RASGRF2: variants seen among roughly 807,000 people sequenced by gnomAD.
RASGRF2 encodes the protein ras-specific guanine nucleotide-releasing factor 2.
A neutral mutation model predicts 151.0 loss-of-function variants in RASGRF2; 76 were observed. The observed-to-expected ratio is 0.50, with a 90% confidence interval of 0.42 to 0.61. The LOEUF is 0.61. Ranked by LOEUF, RASGRF2 falls within the 20% of genes least tolerant of loss-of-function variation. The probability of loss-of-function intolerance (pLI) is 0.00; values close to 1 mark genes in which losing one functional copy is unlikely to be tolerated. For synonymous variants in RASGRF2, 504 were observed against 566.5 expected (o/e 0.89, Z 1.57); for missense variants, 1,148 against 1,564.6 (o/e 0.73, Z 4.49).
At chr5:80,972,534 C>G (rs1457457238) in intron 1 of RASGRF2, among the ~76,000 whole-genome samples, 1 of 151,982 alleles carries the variant, frequency 6.6e-6, no homozygotes, top group East Asian at 1.9e-4. Context: ...GGCTGGAGTG[C>G]AGTGGTATGA....
chr5:81,033,539 A>C lies in RASGRF2; in HGVS notation c.289-9338A>C, dbSNP rs1179098379. On this transcript the variant is annotated intron_variant, in intron 1 of 26. Transcript: ENST00000265080. ...CTTTGACAAACCTGACAAAAACAAG[A>C]AATGGGGAAAGGATTCCCTATTTAA... is the stretch of plus-strand genomic sequence containing the variant. 1.0e-4 allele frequency among the ~76,000 whole-genome samples: 15 copies of C among 144,520 alleles called. No homozygotes were observed. The South Asian group carries it at 3.5e-3, about 34-fold the overall frequency. 94.8% of individuals were successfully genotyped at this position (144,520 alleles called of 152,430 possible).
At chr5:81,090,237 T>C (rs372125898) in intron 9 of RASGRF2, among the ~76,000 whole-genome samples, 42 of 152,326 alleles carry the variant, frequency 2.8e-4, no homozygotes, top group African/African-American at 1.0e-3. Context: ...TTCTTTTTCA[T>C]TACTCAGTAG....
intron 1 of RASGRF2, among the ~76,000 whole-genome samples, chr5:80,962,126 G>A (rs1046319465): frequency 4.6e-5 from 7 of 152,184 alleles, no homozygotes; most frequent in African/African-American, 1.7e-4. Flanking sequence ...AAAACAATGT[G>A]TAAAATTAAG....
intron 17 of RASGRF2, among the ~76,000 whole-genome samples, chr5:81,149,822 G>A (rs1053414950): frequency 1.3e-5 from 2 of 152,076 alleles, no homozygotes; most frequent in African/African-American, 2.4e-5. Flanking sequence ...TCCTAGCATT[G>A]CCCTGCCATC....
intron 1 of RASGRF2, chr5:80,997,964 G>A (rs1410498786): frequency 2.6e-5 from 2 of 75,498 alleles, no homozygotes; most frequent in Non-Finnish European, 6.1e-5. Context: ...GCAAGACTCC[G>A]TCTCAAAAAA....
At chr5:81,093,337 T>C (rs1752446043) in intron 10 of RASGRF2, among the ~76,000 whole-genome samples, 1 of 152,230 alleles carries the variant, frequency 6.6e-6, no homozygotes. Flanking sequence ...AATCCTATTT[T>C]ATCTTTCTCT....
intron 1 of RASGRF2, among the ~76,000 whole-genome samples, chr5:81,022,118 C>T (rs1305324600): frequency 6.6e-6 from 1 of 152,100 alleles, no homozygotes; most frequent in East Asian, 1.9e-4. Context: ...GGAGTGGTAG[C>T]AGATGGTCAG....
chr5:81,184,165 CT>C (rs1179285354), intron 18 of RASGRF2, among the ~76,000 whole-genome samples: 1 of 152,196 alleles, frequency 6.6e-6, no homozygotes, highest in African/African-American at 2.4e-5. Flanking sequence ...ACTATGATCA[CT>C]AATGGATCAG....
Position 81,015,053 on chromosome 5 carries a change from G to C in RASGRF2, c.289-27824G>C, listed in dbSNP as rs115483273. Among the ~76,000 whole-genome samples the C allele has an allele frequency of 6.0e-3, 918 of 152,170 alleles. 6 individuals carry two copies. Among genetic ancestry groups the C allele is most frequent in the African/African-American group, 0.02 (844 of 41,502 alleles). On this transcript the variant is annotated intron_variant, in intron 1 of 26. Coordinates refer to ENST00000265080, the MANE Select transcript of RASGRF2 (RefSeq NM_006909.3). ...TCCAACATCAGCCTCCCAAAGTGTT[G>C]GATTACAGGTGTGAGCTACTGAGCT...
chr5:80,975,359 C>T lies in RASGRF2; in HGVS notation c.288+14333C>T, dbSNP rs115221698. On this transcript the variant is annotated intron_variant, in intron 1 of 26. Coordinates refer to ENST00000265080, the MANE Select transcript of RASGRF2 (RefSeq NM_006909.3). ...ATTGTGTCCAGCTTTGAAAATTCTTCTTAGTGCGTGTGTCGTTGAGGGGTG... is the reference window on the plus strand; with the variant it reads ...ATTGTGTCCAGCTTTGAAAATTCTTTTTAGTGCGTGTGTCGTTGAGGGGTG... Among the ~76,000 whole-genome samples the T allele has an allele frequency of 4.4e-3, 672 of 151,304 alleles. 3 individuals carry two copies. The highest frequency in any genetic ancestry group is 0.015 in the African/African-American group (632 of 41,194).
intron 1 of RASGRF2, among the ~76,000 whole-genome samples, chr5:81,039,370 A>T (rs899258793): frequency 1.3e-5 from 2 of 152,272 alleles, no homozygotes; most frequent in Admixed American, 6.5e-5. Flanking sequence ...AAAAGACAAA[A>T]TTAGACTATG....
chr5:81,029,381 A>G (rs938569443), intron 1 of RASGRF2, among the ~76,000 whole-genome samples: 2 of 152,228 alleles, frequency 1.3e-5, no homozygotes, highest in African/African-American at 4.8e-5. Flanking sequence ...GAGTAGCCCA[A>G]TTGGGAGACA....
Position 81,185,291 on chromosome 5 carries a change from T to C in RASGRF2, c.2793+5010T>C, listed in dbSNP as rs114458335. Among the ~76,000 whole-genome samples, 188 of 151,936 alleles carry C rather than the reference T, an allele frequency of 1.2e-3. 1 individual carries two copies. The highest frequency in any genetic ancestry group is 2.3e-3 in the Non-Finnish European group (158 of 67,966). ...CATCCAGCTAGCCTCCGTGTTAAGG[T>C]GAAAGGTGCTGGCTGGGCAAAGTGA... On this transcript the variant is annotated intron_variant, in intron 18 of 26. Coordinates refer to ENST00000265080, the MANE Select transcript of RASGRF2 (RefSeq NM_006909.3).
chr5:81,144,219 T>C lies in RASGRF2; in HGVS notation c.2686+17056T>C, dbSNP rs370151333. ...CTGTTATGTCAAAGATTAAATGTGG[T>C]AGTCAAAGTAATCTATGGAAACATA... On this transcript the variant is annotated intron_variant, in intron 17 of 26. Coordinates refer to ENST00000265080, the MANE Select transcript of RASGRF2 (RefSeq NM_006909.3). Among the ~76,000 whole-genome samples, 49 of 152,320 alleles carry C rather than the reference T, an allele frequency of 3.2e-4. No individual in the cohort carries two copies. The East Asian group carries it at 7.1e-3, about 22-fold the overall frequency.
rs769260213 is a variant in RASGRF2 at position 81,123,633 on chromosome 5, T to G, written c.2471-9T>G. ...CCTGGTTGTTAAAATTCATGATGTT[T>G]TCAAGCAGCAGTCCTAGAGTCTGCA... On this transcript the variant is annotated splice_polypyrimidine_tract_variant and intron_variant, in intron 15 of 26. Transcript: ENST00000265080. The G allele has an allele frequency of 3.1e-6, 5 of 1,606,426 alleles. No homozygotes were observed. The highest frequency in any genetic ancestry group is 3.4e-6 in the Non-Finnish European group (4 of 1,176,986).
intron 1 of RASGRF2, among the ~76,000 whole-genome samples, chr5:80,963,223 C>G (rs80306674): frequency 6.6e-6 from 1 of 152,224 alleles, no homozygotes; most frequent in Non-Finnish European, 1.5e-5. Context: ...CATCCAGACA[C>G]TGAGACACGA....
chr5:81,220,669 C>T (rs967478361), intron 26 of RASGRF2, among the ~76,000 whole-genome samples: 9 of 152,126 alleles, frequency 5.9e-5, no homozygotes, highest in African/African-American at 2.2e-4. Flanking sequence ...GGGGTTTCAC[C>T]ATGTTAGCCA....
At chr5:81,111,217 A>C (rs1222432995) in intron 13 of RASGRF2, among the ~76,000 whole-genome samples, 1 of 152,254 alleles carries the variant, frequency 6.6e-6, no homozygotes, top group Non-Finnish European at 1.5e-5. Flanking sequence ...ACCCTGTAGC[A>C]TATCCTTTAA....
intron 1 of RASGRF2, among the ~76,000 whole-genome samples, chr5:81,038,127 G>A (rs964232186): frequency 1.3e-5 from 2 of 152,080 alleles, no homozygotes; most frequent in Non-Finnish European, 2.9e-5. Context: ...TCTCCTGTTG[G>A]TGGACATTTG....
Sources: allele counts gnomAD v4.1 joint callset (sites outside exome capture counted in the v4.1 genomes callset), GRCh38; gene constraint gnomAD v4.1.1; transcripts MANE v1.5; gene names NCBI Gene and HGNC (gene_info 2026-07-23, HGNC 2026-07-21).